The following SNTB2 variants were observed in gnomAD, a reference collection of about 807,000 sequenced individuals.
SNTB2 encodes syntrophin beta 2, also known as beta-2-syntrophin.
SNTB2 carries 34 observed loss-of-function variants against 46.2 expected under a neutral mutation model. The observed-to-expected ratio is 0.74, with a 90% CI of 0.56 to 0.98. The LOEUF is 0.98. SNTB2 is among the 50% of genes least tolerant of loss of function. The pLI is 0.00. For synonymous variants in SNTB2, 290 were observed against 312.6 expected, an observed-to-expected ratio of 0.93 and a Z score of 0.76; for missense variants, 603 against 731.4, an observed-to-expected ratio of 0.82 and a Z score of 2.02.
intron 3 of SNTB2, among the ~76,000 whole-genome samples, chr16:69,263,018 G>A (rs147945496): frequency 1.6e-3 from 236 of 151,668 alleles, no homozygotes; most frequent in African/African-American, 5.5e-3. Context: ...TATTCATCCT[G>A]TTTAATTGAA....
intron 1 of SNTB2, among the ~76,000 whole-genome samples, chr16:69,210,357 C>T (rs922256602): frequency 6.6e-6 from 1 of 151,744 alleles, no homozygotes; most frequent in Non-Finnish European, 1.5e-5. Flanking sequence ...CCTGTCTCGG[C>T]CTCCCAAGTA....
At chr16:69,235,888 A>G in intron 1 of SNTB2, 2 of 1,277,192 alleles carry the variant, frequency 1.6e-6, no homozygotes, top group Non-Finnish European at 2.0e-6. Flanking sequence ...AGTTGTGTGG[A>G]TGCAGTCCCA....
At chr16:69,249,552 G>A (rs980360613) in intron 2 of SNTB2, among the ~76,000 whole-genome samples, 2 of 152,154 alleles carry the variant, frequency 1.3e-5, no homozygotes, top group African/African-American at 2.4e-5. Context: ...AAAACTTGGG[G>A]GCTGAATTCT....
intron 4 of SNTB2, among the ~76,000 whole-genome samples, chr16:69,270,623 TGGCAGCCTTTTGACTGA>T (rs1390989476): frequency 3.3e-5 from 5 of 152,232 alleles, no homozygotes; most frequent in African/African-American, 1.2e-4. Context: ...ACTGAAATTG[TGGCAGCCTTTTGACTGA>T]GTGACGAAAT....
chr16:69,237,771 T>G (rs1964572819), intron 1 of SNTB2, among the ~76,000 whole-genome samples: 1 of 151,304 alleles, frequency 6.6e-6, no homozygotes, highest in Non-Finnish European at 1.5e-5. Context: ...CCTGGCTAAT[T>G]TTGTATTTTT....
At position 69,304,379 on chromosome 16, in the gene SNTB2, A is replaced by G. The variant is rs1965300058; in HGVS notation, c.*3455A>G. The G allele has an allele frequency of 6.6e-6, 1 of 152,606 alleles. No homozygotes were observed. The highest frequency in any genetic ancestry group is 2.1e-4 in the South Asian group (1 of 4,824). The allele number at this position is 152,606 out of a possible 1,614,324, so 9.5% of individuals were successfully genotyped here. On this transcript the variant is annotated 3_prime_UTR_variant, in exon 7 of 7. Transcript: ENST00000336278. ...ATACTACTTTAAATGTCATTCACCTATTTTAAAGCCATGTTTTAGCACTTT... is the reference window on the plus strand; with the variant it reads ...ATACTACTTTAAATGTCATTCACCTGTTTTAAAGCCATGTTTTAGCACTTT...
intron 1 of SNTB2, among the ~76,000 whole-genome samples, chr16:69,212,721 G>A (rs1393121415): frequency 1.3e-5 from 2 of 151,846 alleles, no homozygotes; most frequent in African/African-American, 2.4e-5. Flanking sequence ...CGCAACCTCC[G>A]CCTCCTGGGT....
At chr16:69,187,773 G>GGGGGGGGGGGGGGGGGGGC in intron 1 of SNTB2, 27 bp downstream of exon 1, 20 of 331,842 alleles carry the variant, frequency 6.0e-5, no homozygotes, top group Non-Finnish European at 9.4e-5. Flanking sequence ...GGGAGGGTGG[G>GGGGGGGGGGGGGGGGGGGC]CAGGCCGCGG....
At chr16:69,212,698 G>A (rs147486313) in intron 1 of SNTB2, among the ~76,000 whole-genome samples, 3,486 of 151,196 alleles carry the variant, frequency 0.023, 137 homozygotes, top group African/African-American at 0.08. Flanking sequence ...GCAATGGCAC[G>A]ATCTTGGCTC....
chr16:69,278,533 G>C (rs1052116212), intron 4 of SNTB2, among the ~76,000 whole-genome samples: 3 of 147,082 alleles, frequency 2.0e-5, no homozygotes, highest in African/African-American at 7.5e-5. Flanking sequence ...TCTGCTCACC[G>C]CAACCTCCAC....
chr16:69,295,230 A>ATT lies in SNTB2; in HGVS notation c.1346-4330_1346-4329dup, dbSNP rs1160903028. Reference sequence around the variant, plus strand: ...CTGTTAAACAAAATCAACATACTGAATTTTTTTTTTTTTTTTTTTTTTTTT... The same window carrying ATT: ...CTGTTAAACAAAATCAACATACTGAATTTTTTTTTTTTTTTTTTTTTTTTTTT... On this transcript the variant is annotated intron_variant, in intron 5 of 6. Coordinates refer to ENST00000336278, the MANE Select transcript of SNTB2 (RefSeq NM_006750.4). Among the ~76,000 whole-genome samples, 372 of 81,942 alleles carry ATT rather than the reference A, an allele frequency of 4.5e-3. 37 individuals carry two copies. The highest frequency in any genetic ancestry group is 6.7e-3 in the African/African-American group (125 of 18,524). 53.8% of individuals were successfully genotyped at this position (81,942 alleles called of 152,430 possible). A position where few individuals can be genotyped will look rare whatever the true frequency, so the allele number is the denominator to read the frequency against.
chr16:69,268,120 C>G (rs1323493284), intron 3 of SNTB2, among the ~76,000 whole-genome samples: 1 of 152,128 alleles, frequency 6.6e-6, no homozygotes, highest in Non-Finnish European at 1.5e-5. Context: ...GATAACTGAG[C>G]ATTATACAAG....
chr16:69,219,923 G>A (rs1964384682), intron 1 of SNTB2, among the ~76,000 whole-genome samples: 1 of 151,468 alleles, frequency 6.6e-6, no homozygotes, highest in South Asian at 2.1e-4. Flanking sequence ...GCTAATTTTT[G>A]TATTTTTGGT....
At position 69,221,434 on chromosome 16, in the gene SNTB2, A is replaced by G. The variant is rs146014260; in HGVS notation, c.581-24168A>G. Among the ~76,000 whole-genome samples the G allele has an allele frequency of 2.0e-5, 3 of 152,304 alleles. No homozygotes were observed. In the East Asian group the frequency reaches 5.8e-4, roughly 29 times the overall value. ...GTTTTACTTATAAGAAACTAATAGA[A>G]TGTCTGGAAATTTTCTACCAAAAAT... On this transcript the variant is annotated intron_variant, in intron 1 of 6. Coordinates refer to ENST00000336278, the MANE Select transcript of SNTB2 (RefSeq NM_006750.4).
intron 1 of SNTB2, chr16:69,235,766 T>G (rs1397280332): frequency 7.8e-7 from 1 of 1,289,242 alleles, no homozygotes; most frequent in Non-Finnish European, 1.0e-6. Context: ...TGAGGAAATT[T>G]CTGTCTGACC....
chr16:69,250,743 G>A (rs1306841143), intron 2 of SNTB2, among the ~76,000 whole-genome samples: 2 of 151,844 alleles, frequency 1.3e-5, no homozygotes, highest in Non-Finnish European at 2.9e-5. Context: ...AGGCATGGTG[G>A]CACACACCTG....
rs34575541 is a variant in SNTB2, at chr16:69,205,316, A to ATTT, written c.580+17591_580+17593dup. Among the ~76,000 whole-genome samples the ATTT allele has an allele frequency of 3.0e-4, 39 of 130,984 alleles. 2 individuals are homozygous for ATTT. In the South Asian group the frequency reaches 8.7e-3, roughly 29 times the overall value. 85.9% of individuals were successfully genotyped at this position (130,984 alleles called of 152,430 possible). A position where few individuals can be genotyped will look rare whatever the true frequency, so the allele number is the denominator to read the frequency against. On this transcript the variant is annotated intron_variant, in intron 1 of 6. Coordinates refer to ENST00000336278, the MANE Select transcript of SNTB2 (RefSeq NM_006750.4). ...AGGCACGCGCCACCACGCTTGGCAA[A>ATTT]TTTTTTTTTTTTTTTTTTTTTTTAA...
At chr16:69,237,531 GC>G (rs968273683) in intron 1 of SNTB2, among the ~76,000 whole-genome samples, 1 of 151,638 alleles carries the variant, frequency 6.6e-6, no homozygotes, top group African/African-American at 2.4e-5. Context: ...TCAAGGGAGT[GC>G]TTTTTCAGTT....
At chr16:69,258,126 G>A (rs888123249) in intron 2 of SNTB2, among the ~76,000 whole-genome samples, 18 of 152,216 alleles carry the variant, frequency 1.2e-4, no homozygotes, top group African/African-American at 4.3e-4. Flanking sequence ...CATAGAATCT[G>A]ATGATAGTGC....
Sources: gnomAD v4.1 joint callset for allele counts (sites outside exome capture counted in the v4.1 genomes callset) on GRCh38, gnomAD v4.1.1 for gene constraint, MANE v1.5 for transcripts, NCBI Gene and HGNC (gene_info 2026-07-23, HGNC 2026-07-21) for gene names.